The following IGSF9B variants were observed in gnomAD, a reference collection of about 807,000 sequenced individuals.
IGSF9B encodes the protein protein turtle homolog B.
Under a neutral mutation model 143.7 loss-of-function variants are expected in IGSF9B, and 48 were observed. That is an observed-to-expected ratio of 0.33 (90% confidence interval 0.26 to 0.42). The LOEUF is 0.42. Ranked by LOEUF, IGSF9B falls within the 20% of genes least tolerant of loss-of-function variation. The pLI, the probability that IGSF9B is intolerant of heterozygous loss-of-function variation, is 1.00. For synonymous variants in IGSF9B, 903 were observed against 833.1 expected, an observed-to-expected ratio of 1.08 and a Z score of -1.44; for missense variants, 1,706 against 1,980.0, an observed-to-expected ratio of 0.86 and a Z score of 2.63.
Position 133,906,132 on chromosome 11 carries a change from A to C in IGSF9B, c.*2937T>G, listed in dbSNP as rs749606623. Among the ~76,000 whole-genome samples the C allele has an allele frequency of 2.9e-4, 44 of 152,364 alleles. No individual in the cohort carries two copies. Among genetic ancestry groups the C allele is most frequent in the Non-Finnish European group, 5.6e-4 (38 of 68,036 alleles). On this transcript the variant is annotated 3_prime_UTR_variant, in exon 20 of 20. Transcript: ENST00000533871. ...TGATCTCCTACAGAGTGAGTGCCGA[A>C]GTCCTAAGAAGCTGATCAGTAGTCA... is the stretch of plus-strand genomic sequence containing the variant.
At chr11:133,918,631 A>T (rs1027320483) in intron 18 of IGSF9B, among the ~76,000 whole-genome samples, 4 of 151,268 alleles carry the variant, frequency 2.6e-5, no homozygotes, top group Non-Finnish European at 5.9e-5. Context: ...GTGGGAGGTG[A>T]CCTTGGACTT....
rs1939131106 is a variant in IGSF9B, at chr11:133,901,912, C to T, written c.*7157G>A. On this transcript the variant is annotated 3_prime_UTR_variant, in exon 20 of 20. Coordinates refer to ENST00000533871, the MANE Select transcript of IGSF9B (RefSeq NM_001277285.4). ...CACAACACACACACAACACACCACA[C>T]ACAACACACACCAAACCACACAACA... Among the ~76,000 whole-genome samples, 1 of 143,756 alleles carries T rather than the reference C, an allele frequency of 7.0e-6. No individual in the cohort carries two copies. The highest frequency in any genetic ancestry group is 7.0e-5 in the Admixed American group (1 of 14,224). 94.3% of individuals were successfully genotyped at this position (143,756 alleles called of 152,430 possible).
intron 5 of IGSF9B, among the ~76,000 whole-genome samples, chr11:133,936,526 G>A (rs1356347637): frequency 3.9e-5 from 6 of 152,198 alleles, no homozygotes; most frequent in East Asian, 1.9e-4. Context: ...AGTCAGGGCC[G>A]TGGGCTGCTC....
chr11:133,903,257 G>A lies in IGSF9B; in HGVS notation c.*5812C>T, dbSNP rs535316390. On this transcript the variant is annotated 3_prime_UTR_variant, in exon 20 of 20. Transcript: ENST00000533871. Reference sequence around the variant, plus strand: ...TCTTCAAGACCCGAAAGAAAGGCAGGCCCAGGCAGCCATTCACGTCCCCAT... The same window carrying A: ...TCTTCAAGACCCGAAAGAAAGGCAGACCCAGGCAGCCATTCACGTCCCCAT... Among the ~76,000 whole-genome samples the A allele has an allele frequency of 9.2e-5, 14 of 152,120 alleles. No individual in the cohort carries two copies. The highest frequency in any genetic ancestry group is 2.9e-4 in the African/African-American group (12 of 41,502).
rs1241259533 is a variant in IGSF9B, at chr11:133,948,018, C to T, written c.65-1760G>A. Among the ~76,000 whole-genome samples the T allele has an allele frequency of 6.6e-6, 1 of 151,014 alleles. No individual in the cohort carries two copies. Among genetic ancestry groups the T allele is most frequent in the African/African-American group, 2.5e-5 (1 of 40,768 alleles). On this transcript the variant is annotated intron_variant, in intron 1 of 19. Transcript: ENST00000533871. This position sits in a 1 kb window ranked among gnomAD's most constrained non-coding sequence, Gnocchi z 4.7. ...CTGTGTGGGTGACTGTGTCTACCTG[C>T]CTATCTCTCTCCCTGTTTCTGTCTA...
rs1939155819 is a variant in IGSF9B, at chr11:133,902,565, A to ACCCCACACACACACACC, written c.*6503_*6504insGGTGTGTGTGTGTGGGG. Among the ~76,000 whole-genome samples the ACCCCACACACACACACC allele has an allele frequency of 9.2e-6, 1 of 108,218 alleles. No homozygotes were observed. Among genetic ancestry groups the ACCCCACACACACACACC allele is most frequent in the Non-Finnish European group, 2.1e-5 (1 of 47,700 alleles). The allele number at this position is 108,218 out of a possible 152,430, so 71.0% of individuals were successfully genotyped here. On this transcript the variant is annotated 3_prime_UTR_variant, in exon 20 of 20. Coordinates refer to ENST00000533871, the MANE Select transcript of IGSF9B (RefSeq NM_001277285.4). ...CCACACACACCACATACACACACAC[A>ACCCCACACACACACACC]CCCCACACACACACACACACACCCC...
intron 1 of IGSF9B, 121 bp downstream of exon 1, chr11:133,956,570 G>C (rs1478289725): frequency 1.6e-6 from 1 of 630,650 alleles, no homozygotes; most frequent in Non-Finnish European, 2.7e-6. Context: ...CCTCACCCGC[G>C]GGAAGGCGCG....
Position 133,945,167 on chromosome 11 carries a change from C to T in IGSF9B, c.263-801G>A, listed in dbSNP as rs1016934391. On this transcript the variant is annotated intron_variant, in intron 2 of 19. Coordinates refer to ENST00000533871, the MANE Select transcript of IGSF9B (RefSeq NM_001277285.4). The surrounding 1 kb of genome is among the most constrained non-coding windows in gnomAD (Gnocchi z 4.6). ...AGCAGGGTGGAGCAGCCCTCGAGGTCGGCCCACCTCACCCGCTCTTAGCTC... is the reference window on the plus strand; with the variant it reads ...AGCAGGGTGGAGCAGCCCTCGAGGTTGGCCCACCTCACCCGCTCTTAGCTC... Among the ~76,000 whole-genome samples the T allele has an allele frequency of 2.6e-5, 4 of 152,154 alleles. No homozygotes were observed. Among genetic ancestry groups the T allele is most frequent in the South Asian group, 2.1e-4 (1 of 4,828 alleles).
chr11:133,946,806 A>C (rs1052612389), intron 1 of IGSF9B, among the ~76,000 whole-genome samples: 2 of 152,234 alleles, frequency 1.3e-5, no homozygotes, highest in African/African-American at 4.8e-5. Context: ...TGCATGGCAC[A>C]AAACAAGGGT....
chr11:133,947,975 TTCTC>T (rs1182744000), intron 1 of IGSF9B, among the ~76,000 whole-genome samples: 1 of 151,852 alleles, frequency 6.6e-6, no homozygotes, highest in Non-Finnish European at 1.5e-5. Flanking sequence ...CTCTGTCTCT[TTCTC>T]TCTAGCTCTT....
rs1463019856 is a variant in IGSF9B, at chr11:133,921,272, G to A, written c.2453C>T (p.Ser818Leu). 4.3e-6 allele frequency: 7 copies of A among 1,611,214 alleles called. No homozygotes were observed. Among genetic ancestry groups the A allele is most frequent in the South Asian group, 2.2e-5 (2 of 90,998 alleles). Residue 818 changes from serine to leucine, a missense_variant, in exon 18 of 20, where the codon TCG (serine) becomes TTG (leucine). Transcript: ENST00000533871. ...GGCCCGCTTGGTCTTCTTGTACAGC[G>A]ACAGCTCCTTCTCACGGGTGGGGCT... is the stretch of plus-strand genomic sequence containing the variant. ...MLSPTREKEL[S>L]LYKKTKRAIS... is the part of the protein sequence containing the mutation.
At chr11:133,936,564 G>C (rs1039716651) in intron 5 of IGSF9B, among the ~76,000 whole-genome samples, 1 of 152,204 alleles carries the variant, frequency 6.6e-6, no homozygotes, top group Non-Finnish European at 1.5e-5. Flanking sequence ...AGGGCAGCTG[G>C]GGGTGCAGGG....
At position 133,919,765 on chromosome 11, in the gene IGSF9B, T is replaced by G. The variant is rs777528781; in HGVS notation, c.3960A>C (p.Pro1320=). 3 of 1,474,056 alleles carry G rather than the reference T, an allele frequency of 2.0e-6. No individual in the cohort carries two copies. The allele number at this position is 1,474,056 out of a possible 1,614,324, so 91.3% of individuals were successfully genotyped here. A position where few individuals can be genotyped will look rare whatever the true frequency, so the allele number is the denominator to read the frequency against. The part of the protein sequence containing the change: ...TGEELLRPET[P]PPTLPTSGTL... ...ACCCTGAAGTAGGTAACGTGGGTGGTGGGGTCTCCGGTCGGAGCAATTCCT... is the reference window on the plus strand; with the variant it reads ...ACCCTGAAGTAGGTAACGTGGGTGGGGGGGTCTCCGGTCGGAGCAATTCCT... Residue 1320 remains proline, a synonymous_variant, in exon 18 of 20, where the codon CCA becomes CCC. Coordinates refer to ENST00000533871, the MANE Select transcript of IGSF9B (RefSeq NM_001277285.4).
chr11:133,949,681 C>T (rs555240779), intron 1 of IGSF9B, among the ~76,000 whole-genome samples: 1 of 151,260 alleles, frequency 6.6e-6, no homozygotes, highest in East Asian at 2.0e-4. Flanking sequence ...CAGAACACCC[C>T]AGAGCCTGGG....
intron 7 of IGSF9B, among the ~76,000 whole-genome samples, chr11:133,934,213 G>A (rs1164300807): frequency 1.3e-5 from 2 of 152,186 alleles, no homozygotes; most frequent in African/African-American, 4.8e-5. Context: ...AAAGACAGAT[G>A]GCCTATGGCT....
Position 133,931,057 on chromosome 11 carries a change from G to A in IGSF9B, c.1446C>T (p.Asp482=), listed in dbSNP as rs1939718138. ...SLQFRALSKE[D]HGEWECVATN... ...TGGCGACACATTCCCACTCCCCGTG[G>A]TCCTCCTTACTCAGGGCACGGAACT... Residue 482 remains aspartate (D), a synonymous_variant, in exon 11 of 20, where the codon GAC becomes GAT. Coordinates refer to ENST00000533871, the MANE Select transcript of IGSF9B (RefSeq NM_001277285.4). This position sits in a 1 kb window ranked among gnomAD's most constrained non-coding sequence, Gnocchi z 7.7. 5 of 1,613,790 alleles carry A rather than the reference G, an allele frequency of 3.1e-6. No individual in the cohort carries two copies. In the South Asian group the frequency reaches 3.3e-5, roughly 11 times the overall value.
At chr11:133,946,407 C>T (rs1940053440) in intron 1 of IGSF9B, 149 bp from the exon 2 acceptor site, 7 of 645,704 alleles carry the variant, frequency 1.1e-5, no homozygotes, top group South Asian at 7.4e-5. Flanking sequence ...CCCAGGCACA[C>T]CCTCCATCCC....
At chr11:133,916,485 C>G (rs1233808274) in intron 18 of IGSF9B, among the ~76,000 whole-genome samples, 1 of 152,178 alleles carries the variant, frequency 6.6e-6, no homozygotes, top group Non-Finnish European at 1.5e-5. Flanking sequence ...AGCAGCCGTA[C>G]CGGGGAGGCT....
intron 19 of IGSF9B, among the ~76,000 whole-genome samples, chr11:133,910,908 C>T (rs1039240571): frequency 1.3e-5 from 2 of 152,152 alleles, no homozygotes; most frequent in Admixed American, 1.3e-4. Flanking sequence ...GTTTCTAACC[C>T]AAGCCCTAAA....
Sources: allele counts gnomAD v4.1 joint callset (sites outside exome capture counted in the v4.1 genomes callset), GRCh38; gene constraint gnomAD v4.1.1; non-coding constraint Gnocchi (gnomAD v3.1); transcripts MANE v1.5; gene names NCBI Gene and HGNC (gene_info 2026-07-23, HGNC 2026-07-21).